The following SCHIP1 variants were observed in gnomAD, a reference collection of about 807,000 sequenced individuals.
The protein encoded by SCHIP1 is schwannomin interacting protein 1.
Under a neutral mutation model 29.7 loss-of-function variants are expected in SCHIP1, and 8 were observed. The observed-to-expected ratio is 0.27, with a 90% CI of 0.16 to 0.49. The LOEUF is 0.49. Ranked by LOEUF, SCHIP1 falls within the 20% of genes least tolerant of loss-of-function variation. The pLI, the probability that SCHIP1 is intolerant of heterozygous loss-of-function variation, is 0.99. For synonymous variants in SCHIP1, 76 were observed against 94.9 expected (o/e 0.80, Z 1.16); for missense variants, 193 against 294.6 (o/e 0.66, Z 2.52).
chr3:159,429,224 G>GA, the SCHIP1 span, among the ~76,000 whole-genome samples: 120 of 141,840 alleles, frequency 8.5e-4, no homozygotes, highest in Middle Eastern at 3.7e-3. Context: ...AATGACATAA[G>GA]AAAAAAAAAA....
the SCHIP1 span, among the ~76,000 whole-genome samples, chr3:159,471,262 G>A: frequency 6.6e-6 from 1 of 152,198 alleles, no homozygotes; most frequent in East Asian, 1.9e-4. Flanking sequence ...TTATTTACAA[G>A]AGGATAAACA....
chr3:159,305,412 TCCATA>T, the SCHIP1 span, among the ~76,000 whole-genome samples: 1 of 152,254 alleles, frequency 6.6e-6, no homozygotes, highest in Admixed American at 6.5e-5. Flanking sequence ...ATCTTCCCAC[TCCATA>T]CCTGTAAATT....
the SCHIP1 span, among the ~76,000 whole-genome samples, chr3:159,735,655 A>T: frequency 3.9e-5 from 6 of 152,186 alleles, no homozygotes; most frequent in Admixed American, 3.3e-4. Context: ...CTTACTTGCA[A>T]TGAGTCTGTG....
the SCHIP1 span, among the ~76,000 whole-genome samples, chr3:159,505,951 G>A: frequency 6.6e-6 from 1 of 152,154 alleles, no homozygotes; most frequent in Non-Finnish European, 1.5e-5. Flanking sequence ...TGTCTTTATA[G>A]CAGTATGATT....
At chr3:159,580,654 T>C in the SCHIP1 span, among the ~76,000 whole-genome samples, 1 of 152,174 alleles carries the variant, frequency 6.6e-6, no homozygotes. Context: ...AAAATTCAGT[T>C]TGGTCAAGAC....
At chr3:159,494,263 T>C in the SCHIP1 span, among the ~76,000 whole-genome samples, 5 of 151,840 alleles carry the variant, frequency 3.3e-5, no homozygotes, top group Non-Finnish European at 7.4e-5. Context: ...AGAGCAGAAC[T>C]GAAGGAAATA....
At chr3:159,478,781 T>C in the SCHIP1 span, among the ~76,000 whole-genome samples, 4 of 152,274 alleles carry the variant, frequency 2.6e-5, no homozygotes, top group East Asian at 3.9e-4. Flanking sequence ...TTTCACCTCA[T>C]TGGTTAAATT....
At chr3:159,507,152 G>A in the SCHIP1 span, among the ~76,000 whole-genome samples, 2 of 152,162 alleles carry the variant, frequency 1.3e-5, no homozygotes, top group African/African-American at 2.4e-5. Flanking sequence ...TTGAGCAGTA[G>A]TTTGTAGTTT....
chr3:159,703,542 G>GA, the SCHIP1 span, among the ~76,000 whole-genome samples: 201 of 151,796 alleles, frequency 1.3e-3, no homozygotes, highest in African/African-American at 4.5e-3. Context: ...ATATTTTAGG[G>GA]AAAAAAAATA....
the SCHIP1 span, among the ~76,000 whole-genome samples, chr3:159,460,443 C>A: frequency 6.4e-4 from 97 of 152,266 alleles, no homozygotes; most frequent in Admixed American, 1.4e-3. Context: ...GCAAAAGTAA[C>A]CCTGAGGGGA....
the SCHIP1 span, among the ~76,000 whole-genome samples, chr3:159,439,921 C>T: frequency 6.6e-6 from 1 of 152,054 alleles, no homozygotes; most frequent in Non-Finnish European, 1.5e-5. Flanking sequence ...TCCTGTTTGT[C>T]AATTTTTGCT....
chr3:159,328,605 G>T, the SCHIP1 span, among the ~76,000 whole-genome samples: 1 of 152,312 alleles, frequency 6.6e-6, no homozygotes, highest in East Asian at 1.9e-4. Flanking sequence ...TGCGAACCAA[G>T]AAGGGAGATG....
At chr3:159,645,230 C>T in the SCHIP1 span, among the ~76,000 whole-genome samples, 1 of 152,068 alleles carries the variant, frequency 6.6e-6, no homozygotes, top group African/African-American at 2.4e-5. Flanking sequence ...CTGAGAAAAA[C>T]CCTCCTTCAA....
chr3:159,311,597 A>T, the SCHIP1 span, among the ~76,000 whole-genome samples: 2 of 152,144 alleles, frequency 1.3e-5, no homozygotes, highest in African/African-American at 4.8e-5. Context: ...ATATACACCA[A>T]AATATTTGTT....
chr3:159,535,016 C>A, the SCHIP1 span, among the ~76,000 whole-genome samples: 7 of 152,114 alleles, frequency 4.6e-5, no homozygotes, highest in African/African-American at 1.7e-4. Flanking sequence ...AAGGCAATTT[C>A]TGTCTGCTGT....
the SCHIP1 span, among the ~76,000 whole-genome samples, chr3:159,449,749 A>G: frequency 1.3e-5 from 2 of 152,208 alleles, no homozygotes; most frequent in Non-Finnish European, 2.9e-5. Flanking sequence ...GATTAATTTC[A>G]AACTAGAAAT....
At chr3:159,493,017 G>T in the SCHIP1 span, among the ~76,000 whole-genome samples, 1 of 152,160 alleles carries the variant, frequency 6.6e-6, no homozygotes. Context: ...CATAAGTGAA[G>T]GAGAAATAAA....
the SCHIP1 span, among the ~76,000 whole-genome samples, chr3:159,466,739 G>C: frequency 6.6e-6 from 1 of 152,056 alleles, no homozygotes; most frequent in Non-Finnish European, 1.5e-5. Flanking sequence ...TGAGGAATAG[G>C]GTTTTATTAG....
chr3:159,814,798 G>A, the SCHIP1 span, among the ~76,000 whole-genome samples: 1 of 152,148 alleles, frequency 6.6e-6, no homozygotes, highest in African/African-American at 2.4e-5. Flanking sequence ...TGCCAATTTT[G>A]TGGCTTTGTG....
Sources: allele counts gnomAD v4.1 joint callset (sites outside exome capture counted in the v4.1 genomes callset), GRCh38; gene constraint gnomAD v4.1.1; transcripts MANE v1.5; gene names NCBI Gene and HGNC (gene_info 2026-07-23, HGNC 2026-07-21).